ZGRF1: variants seen among roughly 807,000 people sequenced by gnomAD.
ZGRF1 encodes 5'-3' DNA helicase ZGRF1.
A neutral mutation model predicts 203.5 loss-of-function variants in ZGRF1; 196 were observed. The observed-to-expected ratio is 0.96, with a 90% CI of 0.86 to 1.08. The LOEUF is 1.08. ZGRF1 is among the 50% of genes least tolerant of loss of function. The pLI, the probability that ZGRF1 is intolerant of heterozygous loss-of-function variation, is 0.00. For missense variants in ZGRF1, 2,326 were observed against 2,416.3 expected (o/e 0.96, Z 0.78); for synonymous variants, 809 against 841.3 (o/e 0.96, Z 0.66).
chr4:112,569,954 A>T (rs1743906686), intron 16 of ZGRF1, among the ~76,000 whole-genome samples: 1 of 152,204 alleles, frequency 6.6e-6, no homozygotes, highest in South Asian at 2.1e-4. Context: ...GATCATCTCT[A>T]CATGATGATG....
intron 21 of ZGRF1, 38 bp downstream of exon 21, chr4:112,554,667 C>T (rs1028609405): frequency 1.9e-6 from 2 of 1,026,606 alleles, no homozygotes; most frequent in African/African-American, 1.6e-5. Context: ...ATACTTCCCT[C>T]TGACCATTCT....
chr4:112,570,447 G>T (rs1177202023), intron 16 of ZGRF1, among the ~76,000 whole-genome samples: 1 of 151,966 alleles, frequency 6.6e-6, no homozygotes, highest in East Asian at 1.9e-4. Context: ...AATTTAGTGG[G>T]TGTGGTGGTG....
At chr4:112,585,178 G>A (rs1036938603) in intron 14 of ZGRF1, among the ~76,000 whole-genome samples, 1 of 152,134 alleles carries the variant, frequency 6.6e-6, no homozygotes, top group Non-Finnish European at 1.5e-5. Flanking sequence ...GCCAAGGCGG[G>A]AGGATGGCTT....
Position 112,618,589 on chromosome 4 carries a change from G to A in ZGRF1, c.1453C>T (p.Leu485Phe). The A allele has an allele frequency of 6.2e-7, 1 of 1,613,656 alleles. No individual in the cohort carries two copies. The highest frequency in any genetic ancestry group is 8.5e-7 in the Non-Finnish European group (1 of 1,179,826). The change falls in exon 6 of 28, where the codon CTC (leucine) becomes TTC (phenylalanine). Residue 485 changes from leucine to phenylalanine, a missense_variant. Coordinates refer to ENST00000505019, the MANE Select transcript of ZGRF1 (RefSeq NM_018392.5). ...SESSLPELKH[L>F]QIESSNNSRI... ...GAATTATTACTAGATTCAATTTGGAGATGTTTCAGTTCTGGCAGAGATGAC... is the reference window on the plus strand; with the variant it reads ...GAATTATTACTAGATTCAATTTGGAAATGTTTCAGTTCTGGCAGAGATGAC...
At chr4:112,559,518 T>A (rs1420216536) in intron 19 of ZGRF1, among the ~76,000 whole-genome samples, 1 of 152,150 alleles carries the variant, frequency 6.6e-6, no homozygotes, top group Admixed American at 6.5e-5. Flanking sequence ...TCAGATTGTG[T>A]TTTTAAAAAA....
intron 24 of ZGRF1, among the ~76,000 whole-genome samples, chr4:112,542,764 T>TTTTC (rs957358761): frequency 6.6e-6 from 1 of 151,798 alleles, no homozygotes; most frequent in Admixed American, 6.6e-5. Flanking sequence ...TTTTCTTTCC[T>TTTTC]TTTCTTTCTT....
chr4:112,571,506 A>G (rs1328970267), intron 16 of ZGRF1, among the ~76,000 whole-genome samples: 3 of 152,170 alleles, frequency 2.0e-5, no homozygotes, highest in Non-Finnish European at 4.4e-5. Context: ...GTTACAAACA[A>G]TTTTTAAATA....
At chr4:112,596,795 G>A (rs570353165) in intron 10 of ZGRF1, among the ~76,000 whole-genome samples, 10 of 152,052 alleles carry the variant, frequency 6.6e-5, no homozygotes, top group South Asian at 2.1e-4. Context: ...GTTTTGCCCC[G>A]TTGCCCAGGA....
At chr4:112,605,738 T>C in intron 9 of ZGRF1, 1 of 380,700 alleles carries the variant, frequency 2.6e-6, no homozygotes, top group Non-Finnish European at 4.7e-6. Context: ...TCTACATGGC[T>C]TTGTGTCCAA....
chr4:112,554,685 C>T lies in ZGRF1; in HGVS notation c.5198+20G>A, dbSNP rs1334726974. 3 of 1,305,556 alleles carry T rather than the reference C, an allele frequency of 2.3e-6. No individual in the cohort carries two copies. The highest frequency in any genetic ancestry group is 4.0e-5 in the Admixed American group (2 of 50,074). 80.9% of individuals were successfully genotyped at this position (1,305,556 alleles called of 1,614,324 possible). A position where few individuals can be genotyped will look rare whatever the true frequency, so the allele number is the denominator to read the frequency against. On this transcript the variant is annotated intron_variant, in intron 21 of 27. Transcript: ENST00000505019. Reference sequence around the variant, plus strand: ...CTTCCCTCTGACCATTCTGTGACTTCTGGAATTTTGCATTCTTACCTATAA... The same window carrying T: ...CTTCCCTCTGACCATTCTGTGACTTTTGGAATTTTGCATTCTTACCTATAA...
Position 112,587,727 on chromosome 4 carries a change from C to T in ZGRF1, c.3330G>A (p.Ser1110=), listed in dbSNP as rs749544587. 75 of 1,576,168 alleles carry T rather than the reference C, an allele frequency of 4.8e-5. No individual in the cohort carries two copies. Among genetic ancestry groups the T allele is most frequent in the Middle Eastern group, 3.3e-4 (2 of 6,044 alleles). The change falls in exon 12 of 28, where the codon TCG becomes TCA. Residue 1110 remains serine (S), a synonymous_variant. Transcript: ENST00000505019. ...TTTGGTCCTCAGGCTCAATGCTAAA[C>T]GAAAGAACTGCTGACTTTTCACACA... ...LNLCEKSAVL[S]FSIEPEDQNE... is the part of the protein sequence containing the mutation.
rs1737103463 is a variant in ZGRF1 at position 112,539,491 on chromosome 4, A to G, written c.*56T>C. The stretch of plus-strand genomic sequence containing the variant: ...AGAGTAATAAAAATATAAAAAATAT[A>G]TCATGTAAAATGAGTCTGAATTTAC... On this transcript the variant is annotated 3_prime_UTR_variant, in exon 28 of 28. Transcript: ENST00000505019. The G allele has an allele frequency of 4.7e-6, 4 of 858,892 alleles. No homozygotes were observed. Among genetic ancestry groups the G allele is most frequent in the Non-Finnish European group, 7.0e-6 (4 of 571,238 alleles). 53.2% of individuals were successfully genotyped at this position (858,892 alleles called of 1,614,324 possible). A position where few individuals can be genotyped will look rare whatever the true frequency, so the allele number is the denominator to read the frequency against.
In ZGRF1 at chr4:112,620,042, G is replaced by T. The variant is rs746458098; in HGVS notation, c.311C>A (p.Ser104Tyr). The T allele has an allele frequency of 3.9e-5, 62 of 1,606,276 alleles. No homozygotes were observed. The highest frequency in any genetic ancestry group is 5.1e-5 in the Non-Finnish European group (60 of 1,177,234). The stretch of plus-strand genomic sequence containing the variant: ...TAAGCCAGAGGGCTGACATCCAAGA[G>T]ATCGGCCAGAGGATATAAATGTCCT... ...NSRTFISSGR[S>Y]LGCQPSGLKR... Residue 104 changes from serine to tyrosine, a missense_variant, in exon 5 of 28, where the codon TCT becomes TAT. Ser to Tyr is a moderately radical substitution (Grantham distance 144). Transcript: ENST00000505019.
chr4:112,548,479 T>G (rs1360938017), intron 22 of ZGRF1, 99 bp from the exon 23 acceptor site: 1 of 853,544 alleles, frequency 1.2e-6, no homozygotes, highest in African/African-American at 1.7e-5. Flanking sequence ...GAGAGTGAGC[T>G]AGTCCTAATT....
Position 112,558,047 on chromosome 4 carries a change from G to C in ZGRF1, c.5120+103C>G, listed in dbSNP as rs1741268261. 3.3e-6 allele frequency: 3 copies of C among 903,066 alleles called. No individual in the cohort carries two copies. In the East Asian group the frequency reaches 8.5e-5, roughly 26 times the overall value. The allele number at this position is 903,066 out of a possible 1,614,324, so 55.9% of individuals were successfully genotyped here. A position where few individuals can be genotyped will look rare whatever the true frequency, so the allele number is the denominator to read the frequency against. On this transcript the variant is annotated intron_variant, in intron 20 of 27. Coordinates refer to ENST00000505019, the MANE Select transcript of ZGRF1 (RefSeq NM_018392.5). The stretch of plus-strand genomic sequence containing the variant: ...CAGAGACAAAGGTCTTGCATTCTTG[G>C]CATAACCAGCAAGAGTACATGGACA...
At position 112,577,999 on chromosome 4, in the gene ZGRF1, A is replaced by T. The variant is rs1278156871; in HGVS notation, c.4438+3664T>A. Reference sequence around the variant, plus strand: ...TACATTCTTTTCAGCACCACACCACACCTATTCCAAAATTGACCATATAGT... The same window carrying T: ...TACATTCTTTTCAGCACCACACCACTCCTATTCCAAAATTGACCATATAGT... On this transcript the variant is annotated intron_variant, in intron 16 of 27. Transcript: ENST00000505019. Among the ~76,000 whole-genome samples, 2 of 122,544 alleles carry T rather than the reference A, an allele frequency of 1.6e-5. 1 individual carries two copies. Among genetic ancestry groups the T allele is most frequent in the Non-Finnish European group, 3.6e-5 (2 of 54,950 alleles). The allele number at this position is 122,544 out of a possible 152,430, so 80.4% of individuals were successfully genotyped here.
chr4:112,615,685 G>A (rs1207348463), intron 6 of ZGRF1, among the ~76,000 whole-genome samples: 6 of 148,744 alleles, frequency 4.0e-5, no homozygotes, highest in Non-Finnish European at 5.9e-5. Context: ...TTGCCCAGGA[G>A]CACAATGGCA....
At chr4:112,607,637 G>C (rs571744809) in intron 8 of ZGRF1, among the ~76,000 whole-genome samples, 1 of 152,294 alleles carries the variant, frequency 6.6e-6, no homozygotes, top group East Asian at 1.9e-4. Context: ...GAGAGTTGTA[G>C]TAAGAAGAGC....
Position 112,609,392 on chromosome 4 carries a change from A to G in ZGRF1, c.2705T>C (p.Leu902Pro). 6.3e-7 allele frequency: 1 copy of G among 1,585,374 alleles called. No individual in the cohort carries two copies. The highest frequency in any genetic ancestry group is 1.7e-5 in the Admixed American group (1 of 57,984). ...TAAATAACTTACCTGCACAGACTGA[A>G]GTGGTTCACTTAGTTCAACTTCATC... is the stretch of plus-strand genomic sequence containing the variant. ...KEDEVELSEPLQSVQFSSSGS... is the reference protein window; with the variant it reads ...KEDEVELSEPPQSVQFSSSGS... Residue 902 changes from leucine to proline, a missense_variant, in exon 8 of 28, where the codon CTT (leucine) becomes CCT (proline). Leu to Pro is a moderately conservative substitution (Grantham distance 98). Transcript: ENST00000505019.
Sources: gnomAD v4.1 joint callset for allele counts (sites outside exome capture counted in the v4.1 genomes callset) on GRCh38, gnomAD v4.1.1 for gene constraint, MANE v1.5 for transcripts, NCBI Gene and HGNC (gene_info 2026-07-23, HGNC 2026-07-21) for gene names.